Variants in AGPAT4 observed in about 807,000 individuals in gnomAD.
The protein encoded by AGPAT4 is 1-acylglycerol-3-phosphate O-acyltransferase 4.
A neutral mutation model predicts 48.0 loss-of-function variants in AGPAT4; 15 were observed. That is an observed-to-expected ratio of 0.31 (90% CI 0.21 to 0.48). The LOEUF (loss-of-function observed/expected upper bound fraction) is 0.48. AGPAT4 is among the 20% of genes least tolerant of loss of function. AGPAT4 has a pLI of 0.99. For missense variants in AGPAT4, 314 were observed against 482.5 expected (o/e 0.65, Z 3.27); for synonymous variants, 178 against 198.7 (o/e 0.90, Z 0.88).
Position 161,233,001 on chromosome 6 carries a change from G to A in AGPAT4, c.-89-699C>T, listed in dbSNP as rs1782165315. Among the ~76,000 whole-genome samples, 1 of 152,022 alleles carries A rather than the reference G, an allele frequency of 6.6e-6. No homozygotes were observed. The highest frequency in any genetic ancestry group is 2.1e-4 in the South Asian group (1 of 4,818). ...AATGATTTAGTGAAGGTACACGAGG[G>A]CTCAACTTTGAGGCTATCAGTAAAT... On this transcript the variant is annotated intron_variant, in intron 1 of 8. Coordinates refer to ENST00000320285, the MANE Select transcript of AGPAT4 (RefSeq NM_020133.3). This position sits in a 1 kb window ranked among gnomAD's most constrained non-coding sequence, Gnocchi z 5.4.
chr6:161,170,317 A>C (rs537123032), intron 2 of AGPAT4, among the ~76,000 whole-genome samples: 3 of 152,290 alleles, frequency 2.0e-5, no homozygotes, highest in African/African-American at 7.2e-5. Flanking sequence ...CCAGTGGTTT[A>C]GCTTCTTATT....
rs1001023226 is a variant in AGPAT4 at position 161,222,055 on chromosome 6, G to A, written c.178+9981C>T. On this transcript the variant is annotated intron_variant, in intron 2 of 8. Coordinates refer to ENST00000320285, the MANE Select transcript of AGPAT4 (RefSeq NM_020133.3). This position sits in a 1 kb window ranked among gnomAD's most constrained non-coding sequence, Gnocchi z 5.9. ...TTTCCACGAATGACTGCAATATTTGGGATGAGGGTTGACTATGCTCTGCTC... is the reference window on the plus strand; with the variant it reads ...TTTCCACGAATGACTGCAATATTTGAGATGAGGGTTGACTATGCTCTGCTC... Among the ~76,000 whole-genome samples, 3 of 152,098 alleles carry A rather than the reference G, an allele frequency of 2.0e-5. No individual in the cohort carries two copies. Among genetic ancestry groups the A allele is most frequent in the Admixed American group, 1.3e-4 (2 of 15,272 alleles).
chr6:161,225,593 C>T lies in AGPAT4; in HGVS notation c.178+6443G>A, dbSNP rs755292258. Among the ~76,000 whole-genome samples the T allele has an allele frequency of 2.6e-5, 4 of 152,164 alleles. No homozygotes were observed. Among genetic ancestry groups the T allele is most frequent in the Admixed American group, 1.3e-4 (2 of 15,276 alleles). ...AAAGAAAAGAAGGAAGGTTGCTTTT[C>T]GTCAGTTTCTGGAAGCAACCCCGCT... On this transcript the variant is annotated intron_variant, in intron 2 of 8. Coordinates refer to ENST00000320285, the MANE Select transcript of AGPAT4 (RefSeq NM_020133.3). The surrounding 1 kb of genome is among the most constrained non-coding windows in gnomAD (Gnocchi z 5.0).
Position 161,131,020 on chromosome 6 carries a change from G to T in AGPAT4, c.*5520C>A, listed in dbSNP as rs541917854. The T allele has an allele frequency of 2.4e-6, 1 of 424,366 alleles. No individual in the cohort carries two copies. The highest frequency in any genetic ancestry group is 1.7e-5 in the South Asian group (1 of 57,158). The allele number at this position is 424,366 out of a possible 1,614,324, so 26.3% of individuals were successfully genotyped here. ...GTGTAATTTATTTTGGAAATGCAAA[G>T]GAATTATTATGCAGCAATCTTAACT... On this transcript the variant is annotated 3_prime_UTR_variant, in exon 9 of 9. Transcript: ENST00000320285.
chr6:161,176,560 A>G (rs961715194), intron 2 of AGPAT4, among the ~76,000 whole-genome samples: 6 of 152,180 alleles, frequency 3.9e-5, no homozygotes, highest in African/African-American at 1.4e-4. Flanking sequence ...GGTCTCCTGA[A>G]TACAGCACAC....
At position 161,261,008 on chromosome 6, in the gene AGPAT4, T is replaced by TG. The variant is rs1240509965; in HGVS notation, c.-90+12929_-90+12930insC. On this transcript the variant is annotated intron_variant, in intron 1 of 8. Transcript: ENST00000320285. This position sits in a 1 kb window ranked among gnomAD's most constrained non-coding sequence, Gnocchi z 5.3. ...CACACTGAACCACGTCTTCGCCTTC[T>TG]AGAATTTCCTGAGCAGGGCTCACTC... Among the ~76,000 whole-genome samples, 1 of 152,248 alleles carries TG rather than the reference T, an allele frequency of 6.6e-6. No homozygotes were observed. The highest frequency in any genetic ancestry group is 2.4e-5 in the African/African-American group (1 of 41,470).
At chr6:161,199,978 G>A (rs948083611) in intron 2 of AGPAT4, among the ~76,000 whole-genome samples, 28 of 152,178 alleles carry the variant, frequency 1.8e-4, no homozygotes, top group African/African-American at 6.5e-4. Context: ...ACAACGGCTT[G>A]TTCCTTAAAA....
At position 161,178,678 on chromosome 6, in the gene AGPAT4, A is replaced by T. The variant is rs949408107; in HGVS notation, c.179-12261T>A. ...GAGATGAACCTGGTACCTCAGTTGG[A>T]AGTGCAGAAATCACCCATCTTCCGC... On this transcript the variant is annotated intron_variant, in intron 2 of 8. Transcript: ENST00000320285. This position sits in a 1 kb window ranked among gnomAD's most constrained non-coding sequence, Gnocchi z 5.1. 6.6e-6 allele frequency among the ~76,000 whole-genome samples: 1 copy of T among 152,184 alleles called. No individual in the cohort carries two copies. The highest frequency in any genetic ancestry group is 2.4e-5 in the African/African-American group (1 of 41,444).
At chr6:161,271,707 G>A (rs1343983018) in intron 1 of AGPAT4, among the ~76,000 whole-genome samples, 1 of 152,134 alleles carries the variant, frequency 6.6e-6, no homozygotes, top group Non-Finnish European at 1.5e-5. Flanking sequence ...TGTTGTTTTT[G>A]TTTTGGCTGT....
In AGPAT4 at chr6:161,198,340, C is replaced by T. The variant is rs773008661; in HGVS notation, c.179-31923G>A. ...ATCCCCTCTCCTCCGGGGCATTTGG[C>T]AATGTCTGGAGACATTTTTCATTGT... On this transcript the variant is annotated intron_variant, in intron 2 of 8. Transcript: ENST00000320285. The surrounding 1 kb of genome is among the most constrained non-coding windows in gnomAD (Gnocchi z 4.3). Among the ~76,000 whole-genome samples, 5 of 152,202 alleles carry T rather than the reference C, an allele frequency of 3.3e-5. No homozygotes were observed. The highest frequency in any genetic ancestry group is 5.9e-5 in the Non-Finnish European group (4 of 68,036).
At chr6:161,248,173 A>G (rs1184502788) in intron 1 of AGPAT4, among the ~76,000 whole-genome samples, 1 of 152,096 alleles carries the variant, frequency 6.6e-6, no homozygotes, top group African/African-American at 2.4e-5. Context: ...GCAAAGTCTC[A>G]GGACACAAAA....
rs184711813 is a variant in AGPAT4 at position 161,246,535 on chromosome 6, G to A, written c.-89-14233C>T. ...AGCGATTCTCCTGCCTCAGCCTCCC[G>A]AGTAGCTGGGATTACAGGCATGCGC... On this transcript the variant is annotated intron_variant, in intron 1 of 8. Coordinates refer to ENST00000320285, the MANE Select transcript of AGPAT4 (RefSeq NM_020133.3). This position sits in a 1 kb window ranked among gnomAD's most constrained non-coding sequence, Gnocchi z 5.5. Among the ~76,000 whole-genome samples the A allele has an allele frequency of 3.9e-5, 6 of 151,986 alleles. No homozygotes were observed. Among genetic ancestry groups the A allele is most frequent in the South Asian group, 2.1e-4 (1 of 4,808 alleles).
Position 161,221,510 on chromosome 6 carries a change from T to C in AGPAT4, c.178+10526A>G, listed in dbSNP as rs1039540228. Among the ~76,000 whole-genome samples, 9 of 152,168 alleles carry C rather than the reference T, an allele frequency of 5.9e-5. No homozygotes were observed. Among genetic ancestry groups the C allele is most frequent in the Admixed American group, 6.5e-5 (1 of 15,278 alleles). ...GGAGAGGAGAGAGAAATAGATACCA[T>C]ATTAATGTGTCATTTATCACGAAAC... is the stretch of plus-strand genomic sequence containing the variant. On this transcript the variant is annotated intron_variant, in intron 2 of 8. Coordinates refer to ENST00000320285, the MANE Select transcript of AGPAT4 (RefSeq NM_020133.3). This position sits in a 1 kb window ranked among gnomAD's most constrained non-coding sequence, Gnocchi z 4.5.
intron 2 of AGPAT4, among the ~76,000 whole-genome samples, chr6:161,194,602 G>C (rs927983365): frequency 6.6e-6 from 1 of 151,438 alleles, no homozygotes; most frequent in Non-Finnish European, 1.5e-5. Flanking sequence ...GTATGTATGT[G>C]TGTCTATGTA....
rs983151236 is a variant in AGPAT4, at chr6:161,202,626, T to C, written c.178+29410A>G. 2.0e-5 allele frequency among the ~76,000 whole-genome samples: 3 copies of C among 152,112 alleles called. No individual in the cohort carries two copies. Among genetic ancestry groups the C allele is most frequent in the Non-Finnish European group, 2.9e-5 (2 of 68,022 alleles). ...TATTTTCCAAAGATGGCTACAATAATATTGTATATCCCGCAGGCTCTTCTA... is the reference window on the plus strand; with the variant it reads ...TATTTTCCAAAGATGGCTACAATAACATTGTATATCCCGCAGGCTCTTCTA... On this transcript the variant is annotated intron_variant, in intron 2 of 8. Transcript: ENST00000320285. This position sits in a 1 kb window ranked among gnomAD's most constrained non-coding sequence, Gnocchi z 5.4.
Position 161,272,705 on chromosome 6 carries a change from A to AACGCAC in AGPAT4, c.-90+1232_-90+1233insGTGCGT, listed in dbSNP as rs10646379. ...TCCCTGCCCGCCTCCCATTTCCCTAAACACACACACACACACACACACACA... is the reference window on the plus strand; with the variant it reads ...TCCCTGCCCGCCTCCCATTTCCCTAAACGCACACACACACACACACACACACACACA... On this transcript the variant is annotated intron_variant, in intron 1 of 8. Coordinates refer to ENST00000320285, the MANE Select transcript of AGPAT4 (RefSeq NM_020133.3). This position sits in a 1 kb window ranked among gnomAD's most constrained non-coding sequence, Gnocchi z 4.2. 1.4e-5 allele frequency among the ~76,000 whole-genome samples: 2 copies of AACGCAC among 147,084 alleles called. No individual in the cohort carries two copies. Among genetic ancestry groups the AACGCAC allele is most frequent in the African/African-American group, 5.0e-5 (2 of 39,804 alleles).
chr6:161,227,782 A>G (rs1424803739), intron 2 of AGPAT4, among the ~76,000 whole-genome samples: 2 of 152,218 alleles, frequency 1.3e-5, no homozygotes, highest in African/African-American at 2.4e-5. Context: ...CACTACACGC[A>G]GTAGTGTTGT....
At chr6:161,248,231 G>A (rs1415712956) in intron 1 of AGPAT4, among the ~76,000 whole-genome samples, 4 of 151,940 alleles carry the variant, frequency 2.6e-5, no homozygotes, top group Non-Finnish European at 5.9e-5. Flanking sequence ...CAATAGACAA[G>A]CCAAGAACAA....
At position 161,142,884 on chromosome 6, in the gene AGPAT4, G is replaced by A. The variant is rs191964615; in HGVS notation, c.844-3264C>T. Among the ~76,000 whole-genome samples the A allele has an allele frequency of 8.5e-5, 13 of 152,290 alleles. No individual in the cohort carries two copies. Among genetic ancestry groups the A allele is most frequent in the Admixed American group, 5.9e-4 (9 of 15,296 alleles). The stretch of plus-strand genomic sequence containing the variant: ...TGAGGCTCCCTGCTGCCCTTCTAAG[G>A]AGCAATGCCCTTATGGTTTAAGTGA... On this transcript the variant is annotated intron_variant, in intron 7 of 8. Transcript: ENST00000320285. This position sits in a 1 kb window ranked among gnomAD's most constrained non-coding sequence, Gnocchi z 6.4.
Sources: gnomAD v4.1 joint callset for allele counts (sites outside exome capture counted in the v4.1 genomes callset) on GRCh38, gnomAD v4.1.1 for gene constraint, Gnocchi (gnomAD v3.1) non-coding constraint, MANE v1.5 for transcripts, NCBI Gene and HGNC (gene_info 2026-07-23, HGNC 2026-07-21) for gene names.